The following NLK variants were observed in gnomAD, a reference collection of about 807,000 sequenced individuals.
NLK encodes serine/threonine-protein kinase NLK.
Under a neutral mutation model 59.0 loss-of-function variants are expected in NLK, and 11 were observed. The observed-to-expected ratio is 0.19, with a 90% CI of 0.12 to 0.31. The LOEUF is 0.31. Ranked by LOEUF, NLK falls within the 10% of genes least tolerant of loss-of-function variation. NLK has a pLI of 1.00. For missense variants in NLK, 410 were observed against 661.1 expected, an observed-to-expected ratio of 0.62 and a Z score of 4.16; for synonymous variants, 235 against 235.9, an observed-to-expected ratio of 1.00 and a Z score of 0.03.
chr17:28,091,532 A>G (rs1013943624), intron 1 of NLK, among the ~76,000 whole-genome samples: 26 of 151,878 alleles, frequency 1.7e-4, no homozygotes, highest in African/African-American at 6.0e-4. Flanking sequence ...AAAAAGGTCA[A>G]TACAGTTCTT....
intron 3 of NLK, among the ~76,000 whole-genome samples, chr17:28,160,624 A>G (rs7342936): frequency 3.5e-4 from 53 of 152,316 alleles, no homozygotes; most frequent in African/African-American, 1.2e-3. Context: ...AAATATATAC[A>G]AAGTTAAATA....
chr17:28,155,335 G>A (rs1290351644), intron 3 of NLK, among the ~76,000 whole-genome samples: 1 of 152,084 alleles, frequency 6.6e-6, no homozygotes, highest in Non-Finnish European at 1.5e-5. Context: ...GCTGGTGGGA[G>A]TATAAATTAG....
Position 28,050,311 on chromosome 17 carries a change from T to C in NLK, c.458+6980T>C, listed in dbSNP as rs558373645. 1.1e-4 allele frequency among the ~76,000 whole-genome samples: 16 copies of C among 152,230 alleles called. 1 individual carries two copies. The South Asian group carries it at 3.3e-3, about 32-fold the overall frequency. ...GCCTATATGCAGGAGACTACAGGGC[T>C]GGAGATGCTGAATGTGCAGTGCAGT... On this transcript the variant is annotated intron_variant, in intron 1 of 10. Coordinates refer to ENST00000407008, the MANE Select transcript of NLK (RefSeq NM_016231.5).
rs1567697436 is a variant in NLK, at chr17:28,043,256, A to G, written c.383A>G (p.His128Arg). ...AATVKAHHHQHSHHPQQQLDI... is the reference protein window; with the variant it reads ...AATVKAHHHQRSHHPQQQLDI... ...ACAGTTAAGGCGCACCATCATCAGC[A>G]CTCGCATCATCCACAGCAGCAGCTG... is the stretch of plus-strand genomic sequence containing the variant. Residue 128 changes from histidine (H) to arginine (R), a missense_variant, in exon 1 of 11, where the codon CAC (histidine) becomes CGC (arginine). Transcript: ENST00000407008. 8 of 1,613,244 alleles carry G rather than the reference A, an allele frequency of 5.0e-6. No homozygotes were observed. The highest frequency in any genetic ancestry group is 1.7e-5 in the Admixed American group (1 of 59,858).
chr17:28,079,572 T>A (rs111857860), intron 1 of NLK, among the ~76,000 whole-genome samples: 3 of 152,330 alleles, frequency 2.0e-5, no homozygotes, highest in African/African-American at 7.2e-5. Flanking sequence ...TAGCAATACC[T>A]CATTGTGGTT....
chr17:28,203,552 T>C, the NLK span, among the ~76,000 whole-genome samples: 31,647 of 152,110 alleles, frequency 0.21, 4,183 homozygotes, highest in Non-Finnish European at 0.28. Context: ...TTTTTTATTT[T>C]TTGAGATGGA....
intron 7 of NLK, among the ~76,000 whole-genome samples, chr17:28,180,777 T>G (rs1409365857): frequency 1.3e-5 from 2 of 152,196 alleles, no homozygotes; most frequent in Admixed American, 1.3e-4. Flanking sequence ...AGACAGCTAT[T>G]CACAGTAAAA....
At chr17:28,097,906 C>G (rs1474006637) in intron 1 of NLK, among the ~76,000 whole-genome samples, 1 of 152,080 alleles carries the variant, frequency 6.6e-6, no homozygotes, top group African/African-American at 2.4e-5. Context: ...AATAAGGATC[C>G]TGTTCCTTTT....
At chr17:28,183,294 G>T (rs781267757) in intron 7 of NLK, among the ~76,000 whole-genome samples, 5 of 152,158 alleles carry the variant, frequency 3.3e-5, no homozygotes, top group Non-Finnish European at 7.3e-5. Context: ...AAGGTCAGGG[G>T]TCATTACTCC....
intron 1 of NLK, among the ~76,000 whole-genome samples, chr17:28,110,636 A>C (rs1297761351): frequency 6.6e-6 from 1 of 151,454 alleles, no homozygotes; most frequent in Non-Finnish European, 1.5e-5. Flanking sequence ...GCATGTTGGT[A>C]CCCTCAGTGT....
intron 3 of NLK, among the ~76,000 whole-genome samples, chr17:28,150,656 C>G (rs935229453): frequency 9.9e-5 from 15 of 152,204 alleles, no homozygotes; most frequent in Admixed American, 7.9e-4. Flanking sequence ...TCCCCCGCCC[C>G]CACTAAAACA....
intron 1 of NLK, among the ~76,000 whole-genome samples, chr17:28,119,486 G>C (rs1004739287): frequency 3.3e-5 from 5 of 152,194 alleles, no homozygotes; most frequent in African/African-American, 1.2e-4. Flanking sequence ...TAACCAGTAA[G>C]TAGTAGTCAG....
chr17:28,180,422 T>A (rs1037780852), intron 7 of NLK, among the ~76,000 whole-genome samples: 2 of 152,194 alleles, frequency 1.3e-5, no homozygotes, highest in Non-Finnish European at 2.9e-5. Flanking sequence ...TCATCTTCAT[T>A]ACTTCAATAA....
rs180881313 is a variant in NLK at position 28,195,721 on chromosome 17, A to G, written c.*1085A>G. On this transcript the variant is annotated 3_prime_UTR_variant, in exon 11 of 11. Coordinates refer to ENST00000407008, the MANE Select transcript of NLK (RefSeq NM_016231.5). ...GTTGGAACACTGAATTCTTCTGTGC[A>G]TATGTACATATGAATACAAATCGAA... 22 of 152,618 alleles carry G rather than the reference A, an allele frequency of 1.4e-4. No homozygotes were observed. Among genetic ancestry groups the G allele is most frequent in the African/African-American group, 5.3e-4 (22 of 41,538 alleles). The allele number at this position is 152,618 out of a possible 1,614,324, so 9.5% of individuals were successfully genotyped here. A position where few individuals can be genotyped will look rare whatever the true frequency, so the allele number is the denominator to read the frequency against.
chr17:28,110,524 A>T, intron 1 of NLK, among the ~76,000 whole-genome samples: 1 of 149,332 alleles, frequency 6.7e-6, no homozygotes, highest in Admixed American at 6.6e-5. Flanking sequence ...TCTGTAGATT[A>T]TTTTTCATCA....
At chr17:28,073,247 C>T (rs1910066594) in intron 1 of NLK, among the ~76,000 whole-genome samples, 1 of 152,160 alleles carries the variant, frequency 6.6e-6, no homozygotes, top group Non-Finnish European at 1.5e-5. Flanking sequence ...GCAGAATGAG[C>T]TTTTACCTAT....
At chr17:28,130,420 G>A (rs553466102) in intron 2 of NLK, among the ~76,000 whole-genome samples, 1 of 152,108 alleles carries the variant, frequency 6.6e-6, no homozygotes, top group South Asian at 2.1e-4. Flanking sequence ...TAAAACAACA[G>A]GCGTTTAAAA....
intron 2 of NLK, among the ~76,000 whole-genome samples, chr17:28,125,949 C>T (rs917898087): frequency 1.3e-5 from 2 of 152,174 alleles, no homozygotes; most frequent in African/African-American, 2.4e-5. Flanking sequence ...GAGGAACCAA[C>T]GACTTGGAGT....
At chr17:28,199,685 CAAAACAAAACA>C (rs1909577713), downstream of NLK, among the ~76,000 whole-genome samples, 13 of 37,724 alleles carry the variant, frequency 3.4e-4, no homozygotes, top group African/African-American at 1.3e-3. Context: ...AAAAAAAAAA[CAAAACAAAACA>C]AAAAAAAAAA....
Sources: gnomAD v4.1 joint callset for allele counts (sites outside exome capture counted in the v4.1 genomes callset) on GRCh38, gnomAD v4.1.1 for gene constraint, MANE v1.5 for transcripts, NCBI Gene and HGNC (gene_info 2026-07-23, HGNC 2026-07-21) for gene names.